The following LRSAM1 variants were observed in gnomAD, a reference collection of about 807,000 sequenced individuals.
LRSAM1 encodes the protein leucine rich repeat and sterile alpha motif containing 1.
A neutral mutation model predicts 118.1 loss-of-function variants in LRSAM1; 96 were observed. That is an observed-to-expected ratio of 0.81 (90% confidence interval 0.69 to 0.96). The LOEUF is 0.96. LRSAM1 is among the 40% of genes least tolerant of loss of function. The pLI is 0.00. For synonymous variants in LRSAM1, 322 were observed against 364.2 expected (o/e 0.88, Z 1.32); for missense variants, 804 against 915.5 (o/e 0.88, Z 1.57).
At chr9:127,495,848 A>ACTCT in intron 22 of LRSAM1, 116 bp from the exon 23 acceptor site, 1 of 1,480,658 alleles carries the variant, frequency 6.8e-7, no homozygotes, top group South Asian at 1.2e-5. Flanking sequence ...TTTGTAGGAA[A>ACTCT]AATCCCGAGT....
At position 127,487,760 on chromosome 9, in the gene LRSAM1, G is replaced by A; in HGVS notation, c.1344G>A (p.Gln448=). 6.2e-7 allele frequency: 1 copy of A among 1,612,480 alleles called. No individual in the cohort carries two copies. The highest frequency in any genetic ancestry group is 8.5e-7 in the Non-Finnish European group (1 of 1,179,226). The change falls in exon 18 of 26, where the codon CAG becomes CAA. Residue 448 remains glutamine, a synonymous_variant. Coordinates refer to ENST00000300417, the MANE Select transcript of LRSAM1 (RefSeq NM_001005373.4). The stretch of plus-strand genomic sequence containing the variant: ...ACAAAGCCATCAGCCAGATCCTGCA[G>A]GAGGTGAGCCCTCGCCCAGAGCCTG... The part of the protein sequence containing the change: ...DQNKAISQIL[Q]ESAMQKAAFE...
At position 127,489,451 on chromosome 9, in the gene LRSAM1, T is replaced by C. The variant is rs765226810; in HGVS notation, c.1355T>C (p.Met452Thr). 9 of 1,607,912 alleles carry C rather than the reference T, an allele frequency of 5.6e-6. No individual in the cohort carries two copies. Among genetic ancestry groups the C allele is most frequent in the Admixed American group, 3.4e-5 (2 of 59,044 alleles). The change falls in exon 19 of 26, where the codon ATG (methionine) becomes ACG (threonine). Residue 452 changes from methionine (M) to threonine (T), a missense_variant. Physicochemically the swap from Met to Thr is moderately conservative, Grantham distance 81. Coordinates refer to ENST00000300417, the MANE Select transcript of LRSAM1 (RefSeq NM_001005373.4). ...AISQILQESA[M>T]QKAAFEALQV... ...TGGTGGTCTGTGTTGCAGAGCGCGA[T>C]GCAGAAGGCTGCGTTCGAGGCACTC...
chr9:127,464,030 G>A (rs536442147), intron 9 of LRSAM1, among the ~76,000 whole-genome samples: 13 of 152,296 alleles, frequency 8.5e-5, no homozygotes, highest in Admixed American at 4.6e-4. Context: ...TGTATGACTC[G>A]GCTTCTGGAA....
At chr9:127,481,518 G>A (rs1164398631) in intron 15 of LRSAM1, among the ~76,000 whole-genome samples, 1 of 152,066 alleles carries the variant, frequency 6.6e-6, no homozygotes, top group East Asian at 1.9e-4. Flanking sequence ...AAAGTACTGG[G>A]ATTGCAGGCG....
chr9:127,459,181 T>A, intron 7 of LRSAM1, 110 bp downstream of exon 7: 2 of 1,022,074 alleles, frequency 2.0e-6, no homozygotes, highest in Non-Finnish European at 3.0e-6. Context: ...CAGGCTGCAA[T>A]CAGTGCCAGC....
chr9:127,461,184 G>A lies in LRSAM1; in HGVS notation c.333G>A (p.Val111=), dbSNP rs545516690. The A allele has an allele frequency of 1.9e-5, 31 of 1,611,234 alleles. No individual in the cohort carries two copies. The South Asian group carries it at 3.4e-4, about 18-fold the overall frequency. The part of the protein sequence containing the change: ...GQLTALQVLN[V]ERNQLMQLPR... ...TTCCTCTTTCTTAGGTCTTAAACGT[G>A]GAAAGGAATCAACTGATGCAGCTCC... Residue 111 remains valine (V), a synonymous_variant, in exon 8 of 26, where the codon GTG becomes GTA. Coordinates refer to ENST00000300417, the MANE Select transcript of LRSAM1 (RefSeq NM_001005373.4).
At chr9:127,462,747 G>A (rs1406761493) in intron 9 of LRSAM1, among the ~76,000 whole-genome samples, 2 of 151,776 alleles carry the variant, frequency 1.3e-5, no homozygotes, top group African/African-American at 4.8e-5. Flanking sequence ...CTGGGTGATG[G>A]GACGATCTGT....
intron 7 of LRSAM1, among the ~76,000 whole-genome samples, chr9:127,459,386 T>C (rs888781771): frequency 6.6e-6 from 1 of 151,732 alleles, no homozygotes; most frequent in African/African-American, 2.4e-5. Context: ...TCCCAGCTAG[T>C]TTTTGTATTT....
chr9:127,462,115 C>A, intron 8 of LRSAM1, 137 bp from the exon 9 acceptor site: 2 of 1,233,636 alleles, frequency 1.6e-6, no homozygotes, highest in Non-Finnish European at 2.3e-6. Flanking sequence ...GGAACTCCAC[C>A]TTCTTGAGCC....
intron 21 of LRSAM1, among the ~76,000 whole-genome samples, chr9:127,495,012 C>A (rs1264043109): frequency 6.6e-6 from 1 of 152,176 alleles, no homozygotes; most frequent in Non-Finnish European, 1.5e-5. Flanking sequence ...AGTGCAGTGG[C>A]GCGATCTCAG....
At chr9:127,497,431 T>C (rs948359057) in intron 24 of LRSAM1, 97 bp downstream of exon 24, 2 of 1,227,012 alleles carry the variant, frequency 1.6e-6, no homozygotes, top group East Asian at 2.4e-5. Context: ...GGATGACTCC[T>C]GAGGGCTGGT....
At chr9:127,460,250 A>T (rs1285416224) in intron 7 of LRSAM1, among the ~76,000 whole-genome samples, 1 of 151,772 alleles carries the variant, frequency 6.6e-6, no homozygotes. Context: ...CACCCACCTC[A>T]GCCTCCCAAA....
Position 127,503,046 on chromosome 9 carries a change from A to T in LRSAM1, c.*147A>T, listed in dbSNP as rs1406130530. 6.5e-6 allele frequency: 7 copies of T among 1,074,582 alleles called. No homozygotes were observed. Among genetic ancestry groups the T allele is most frequent in the Non-Finnish European group, 9.5e-6 (7 of 737,068 alleles). The allele number at this position is 1,074,582 out of a possible 1,614,324, so 66.6% of individuals were successfully genotyped here. A position where few individuals can be genotyped will look rare whatever the true frequency, so the allele number is the denominator to read the frequency against. On this transcript the variant is annotated 3_prime_UTR_variant, in exon 26 of 26. Coordinates refer to ENST00000300417, the MANE Select transcript of LRSAM1 (RefSeq NM_001005373.4). ...CCCACTGCCCAGGAGCCCCCATCCT[A>T]AGCTCCAAGCATGTCTGGGCCAGGC...
chr9:127,499,757 T>C (rs1459762697), intron 24 of LRSAM1, among the ~76,000 whole-genome samples: 1 of 151,226 alleles, frequency 6.6e-6, no homozygotes, highest in African/African-American at 2.4e-5. Context: ...GGTGAAACCC[T>C]GTCTCTACTA....
At chr9:127,479,629 C>A in intron 13 of LRSAM1, 124 bp downstream of exon 13, 1 of 1,466,206 alleles carries the variant, frequency 6.8e-7, no homozygotes, top group Non-Finnish European at 9.3e-7. Flanking sequence ...CCTTCTGTCC[C>A]CCAGCACCTG....
chr9:127,482,871 G>C, intron 15 of LRSAM1, 79 bp from the exon 16 acceptor site: 1 of 1,369,596 alleles, frequency 7.3e-7, no homozygotes. Context: ...GGCCTTCCTG[G>C]AGGAGGTGGT....
chr9:127,473,618 G>A lies in LRSAM1; in HGVS notation c.620-183G>A, dbSNP rs10819296. ...GACTCACTCCACTGACATTTACTGA[G>A]CACCTGCCACATTCCAGGCCCAGGG... is the stretch of plus-strand genomic sequence containing the variant. On this transcript the variant is annotated intron_variant, in intron 10 of 25. Coordinates refer to ENST00000300417, the MANE Select transcript of LRSAM1 (RefSeq NM_001005373.4). Among the ~76,000 whole-genome samples the A allele has an allele frequency of 0.11, 17,346 of 152,234 alleles. 1,477 individuals carry two copies. The highest frequency in any genetic ancestry group is 0.28 in the Admixed American group (4,333 of 15,288).
intron 7 of LRSAM1, among the ~76,000 whole-genome samples, chr9:127,460,358 T>C (rs1834689150): frequency 6.6e-6 from 1 of 152,158 alleles, no homozygotes; most frequent in African/African-American, 2.4e-5. Context: ...CACCTCGAGG[T>C]ACCACCTTCT....
chr9:127,489,749 C>A (rs1835863345), intron 19 of LRSAM1, among the ~76,000 whole-genome samples: 1 of 152,212 alleles, frequency 6.6e-6, no homozygotes, highest in Admixed American at 6.5e-5. Context: ...GAGGGTCTTG[C>A]CAGCGAGGCG....
Sources: allele counts gnomAD v4.1 joint callset (sites outside exome capture counted in the v4.1 genomes callset), GRCh38; gene constraint gnomAD v4.1.1; transcripts MANE v1.5; gene names NCBI Gene and HGNC (gene_info 2026-07-23, HGNC 2026-07-21).